TMED8: variants seen among roughly 807,000 people sequenced by gnomAD.
TMED8 encodes the protein transmembrane p24 trafficking protein family member 8.
In TMED8, 15 loss-of-function variants were observed where a neutral mutation model predicts 32.7. That is an observed-to-expected ratio of 0.46 (90% CI 0.31 to 0.71). The LOEUF is 0.71. Among genes scored for constraint, TMED8 ranks in the 30% least tolerant of loss-of-function variants. The pLI is 0.06. For synonymous variants in TMED8, 147 were observed against 161.4 expected (o/e 0.91, Z 0.68); for missense variants, 390 against 423.9 (o/e 0.92, Z 0.70).
At chr14:77,373,847 C>CA (rs1467693780) in intron 1 of TMED8, among the ~76,000 whole-genome samples, 1 of 152,160 alleles carries the variant, frequency 6.6e-6, no homozygotes, top group Non-Finnish European at 1.5e-5. Flanking sequence ...AGTTCTCACT[C>CA]AGTTAGTTCA....
At position 77,376,557 on chromosome 14, in the gene TMED8, G is replaced by A. The variant is rs10138606; in HGVS notation, c.118+379C>T. The A allele has an allele frequency of 0.01, 1,586 of 157,176 alleles. 27 individuals carry two copies. Among genetic ancestry groups the A allele is most frequent in the African/African-American group, 0.036 (1,501 of 41,826 alleles). 9.7% of individuals were successfully genotyped at this position (157,176 alleles called of 1,614,324 possible). On this transcript the variant is annotated intron_variant, in intron 1 of 5. Coordinates refer to ENST00000216468, the MANE Select transcript of TMED8 (RefSeq NM_213601.3). This position sits in a 1 kb window ranked among gnomAD's most constrained non-coding sequence, Gnocchi z 4.0. ...GGTGGGGAGCCAGAAGCAGGGGGCG[G>A]CGAGGCCAGTAGGGTTCGGGTCGGC...
intron 1 of TMED8, among the ~76,000 whole-genome samples, chr14:77,375,917 T>C (rs1320779630): frequency 1.3e-5 from 2 of 152,304 alleles, no homozygotes; most frequent in South Asian, 4.1e-4. Context: ...TTTTTAGTAA[T>C]CACATTTTAC....
intron 1 of TMED8, among the ~76,000 whole-genome samples, chr14:77,358,234 T>C (rs1305727281): frequency 1.3e-5 from 2 of 151,102 alleles, no homozygotes; most frequent in Non-Finnish European, 2.9e-5. Context: ...ATGTCATATA[T>C]TAATATCACA....
chr14:77,355,494 T>C (rs1893272237), intron 1 of TMED8, among the ~76,000 whole-genome samples: 1 of 152,116 alleles, frequency 6.6e-6, no homozygotes, highest in South Asian at 2.1e-4. Flanking sequence ...CCATGGCCAA[T>C]AAACACTTTT....
chr14:77,372,344 G>A (rs1893694010), intron 1 of TMED8, among the ~76,000 whole-genome samples: 5 of 152,210 alleles, frequency 3.3e-5, no homozygotes, highest in South Asian at 4.1e-4. Flanking sequence ...TTCCCTACAA[G>A]GAGAACCAAA....
intron 2 of TMED8, among the ~76,000 whole-genome samples, chr14:77,348,605 G>C (rs1893104290): frequency 6.6e-6 from 1 of 152,190 alleles, no homozygotes; most frequent in Admixed American, 6.5e-5. Context: ...ATTTTTAAGA[G>C]TATAAAGGTC....
rs1349244290 is a variant in TMED8, at chr14:77,343,247, T to C, written c.691A>G (p.Ile231Val). Residue 231 changes from isoleucine to valine, a missense_variant, in exon 5 of 6, where the codon ATA becomes GTA. By Grantham distance (29) the Ile-to-Val change is conservative (BLOSUM62 3). Coordinates refer to ENST00000216468, the MANE Select transcript of TMED8 (RefSeq NM_213601.3). ...FDWTPVTSTD[I>V]TVQVSDSSDD... The stretch of plus-strand genomic sequence containing the variant: ...CTGGAATCACTGACCTGCACAGTTA[T>C]GTCAGTGCTAGTTACAGGGGTCCAG... 1.9e-6 allele frequency: 3 copies of C among 1,614,200 alleles called. No individual in the cohort carries two copies. Among genetic ancestry groups the C allele is most frequent in the Non-Finnish European group, 2.5e-6 (3 of 1,180,024 alleles).
chr14:77,349,603 G>A (rs1478382887), intron 2 of TMED8, among the ~76,000 whole-genome samples: 1 of 152,104 alleles, frequency 6.6e-6, no homozygotes, highest in Non-Finnish European at 1.5e-5. Flanking sequence ...CTCTTCTTTA[G>A]TTAACTGAAG....
intron 2 of TMED8, among the ~76,000 whole-genome samples, chr14:77,348,368 G>A (rs1171839373): frequency 1.3e-5 from 2 of 151,872 alleles, no homozygotes; most frequent in African/African-American, 2.4e-5. Flanking sequence ...GACTACAGGC[G>A]CCGGCCACCA....
At chr14:77,360,291 T>G (rs1488114561) in intron 1 of TMED8, among the ~76,000 whole-genome samples, 4 of 152,166 alleles carry the variant, frequency 2.6e-5, no homozygotes, top group Non-Finnish European at 5.9e-5. Flanking sequence ...GACTTGTTCA[T>G]CCTATGTATC....
Position 77,339,211 on chromosome 14 carries a change from A to G in TMED8, c.*2560T>C, listed in dbSNP as rs931275556. 1 of 152,258 alleles carries G rather than the reference A, an allele frequency of 6.6e-6. No individual in the cohort carries two copies. The highest frequency in any genetic ancestry group is 1.5e-5 in the Non-Finnish European group (1 of 68,044). The allele number at this position is 152,258 out of a possible 1,614,324, so 9.4% of individuals were successfully genotyped here. On this transcript the variant is annotated 3_prime_UTR_variant, in exon 6 of 6. Coordinates refer to ENST00000216468, the MANE Select transcript of TMED8 (RefSeq NM_213601.3). Reference sequence around the variant, plus strand: ...GTAACATGAAAATAGTGAATTAGACAGTGAAAATATCTTCTTTTAGCTATT... The same window carrying G: ...GTAACATGAAAATAGTGAATTAGACGGTGAAAATATCTTCTTTTAGCTATT...
intron 1 of TMED8, among the ~76,000 whole-genome samples, chr14:77,370,965 C>CG (rs1319816629): frequency 2.6e-5 from 4 of 151,796 alleles, no homozygotes; most frequent in Non-Finnish European, 5.9e-5. Flanking sequence ...AAAAAAAGGT[C>CG]GGGGGGAGCA....
At chr14:77,358,172 T>C (rs927024893) in intron 1 of TMED8, among the ~76,000 whole-genome samples, 2 of 112,334 alleles carry the variant, frequency 1.8e-5, no homozygotes, top group Non-Finnish European at 3.9e-5. Context: ...CCACAATCAA[T>C]GTAATATATC....
At chr14:77,367,240 T>TAAAAA (rs56707120) in intron 1 of TMED8, among the ~76,000 whole-genome samples, 19 of 25,096 alleles carry the variant, frequency 7.6e-4, no homozygotes, top group African/African-American at 2.1e-3. Context: ...AGACTCTGTC[T>TAAAAA]AAAAAAAAAA....
rs1395018960 is a variant in TMED8, at chr14:77,335,195, G to A, written c.*6576C>T. On this transcript the variant is annotated 3_prime_UTR_variant, in exon 6 of 6. Transcript: ENST00000216468. The stretch of plus-strand genomic sequence containing the variant: ...GTGTAATCGCAGTAACACACCCAGT[G>A]CCACAGGGTGATAAAAATGGTATTT... 1.3e-5 allele frequency: 2 copies of A among 152,174 alleles called. No homozygotes were observed. The highest frequency in any genetic ancestry group is 2.9e-5 in the Non-Finnish European group (2 of 68,032). 9.4% of individuals were successfully genotyped at this position (152,174 alleles called of 1,614,324 possible).
In TMED8 at chr14:77,376,986, C is replaced by G; in HGVS notation, c.68G>C (p.Gly23Ala). The G allele has an allele frequency of 1.4e-6, 2 of 1,445,968 alleles. No homozygotes were observed. The highest frequency in any genetic ancestry group is 1.8e-6 in the Non-Finnish European group (2 of 1,107,720). The allele number at this position is 1,445,968 out of a possible 1,614,324, so 89.6% of individuals were successfully genotyped here. ...WSPTARPGSA[G>A]GVGDCQGVEG... ...CACTCCCTGGCAGTCCCCGACGCCG[C>G]CAGCCGACCCTGGGCGGGCTGTGGG... is the stretch of plus-strand genomic sequence containing the variant. Residue 23 changes from glycine (G) to alanine (A), a missense_variant, in exon 1 of 6, where the codon GGC becomes GCC. By Grantham distance (60) the Gly-to-Ala change is moderately conservative. Coordinates refer to ENST00000216468, the MANE Select transcript of TMED8 (RefSeq NM_213601.3). This position sits in a 1 kb window ranked among gnomAD's most constrained non-coding sequence, Gnocchi z 4.0.
At position 77,377,073 on chromosome 14, in the gene TMED8, C is replaced by T. The variant is rs150571067; in HGVS notation, c.-20G>A. On this transcript the variant is annotated 5_prime_UTR_variant, in exon 1 of 6. Coordinates refer to ENST00000216468, the MANE Select transcript of TMED8 (RefSeq NM_213601.3). ...AGACATCTGCAGCCCGCGCACGGAG[C>T]TCTCCGCTGCCAGCCGCGAGTGGCT... 1.5e-6 allele frequency: 2 copies of T among 1,331,764 alleles called. No individual in the cohort carries two copies. Among genetic ancestry groups the T allele is most frequent in the East Asian group, 5.9e-5 (2 of 33,694 alleles). The allele number at this position is 1,331,764 out of a possible 1,614,324, so 82.5% of individuals were successfully genotyped here.
chr14:77,365,572 A>G (rs527597336), intron 1 of TMED8, among the ~76,000 whole-genome samples: 19 of 152,302 alleles, frequency 1.2e-4, no homozygotes, highest in African/African-American at 4.1e-4. Flanking sequence ...AAAAAATACC[A>G]CCGTGGCAGC....
chr14:77,368,231 T>C (rs1893600321), intron 1 of TMED8, among the ~76,000 whole-genome samples: 1 of 152,218 alleles, frequency 6.6e-6, no homozygotes, highest in African/African-American at 2.4e-5. Flanking sequence ...CGAACTATTT[T>C]CTAAAGGGGT....
Sources: gnomAD v4.1 joint callset for allele counts (sites outside exome capture counted in the v4.1 genomes callset) on GRCh38, gnomAD v4.1.1 for gene constraint, Gnocchi (gnomAD v3.1) non-coding constraint, MANE v1.5 for transcripts, NCBI Gene and HGNC (gene_info 2026-07-23, HGNC 2026-07-21) for gene names.